Variants in GMDS observed in about 807,000 individuals in gnomAD.
GMDS encodes the protein GDP-mannose 4,6 dehydratase.
A neutral mutation model predicts 49.9 loss-of-function variants in GMDS; 20 were observed. The ratio of observed to expected loss-of-function variants is 0.40; its 90% CI spans 0.28 to 0.58. The LOEUF (loss-of-function observed/expected upper bound fraction) is 0.58, where lower values mean the gene tolerates loss of function less well. Ranked by LOEUF, GMDS falls within the 20% of genes least tolerant of loss-of-function variation. The probability of loss-of-function intolerance (pLI) is 0.42; values close to 1 mark genes in which losing one functional copy is unlikely to be tolerated. For synonymous variants in GMDS, 177 were observed against 178.6 expected (o/e 0.99, Z 0.07); for missense variants, 362 against 481.4 (o/e 0.75, Z 2.32).
intron 7 of GMDS, among the ~76,000 whole-genome samples, chr6:1,863,597 T>C (rs1412236700): frequency 6.6e-6 from 1 of 152,174 alleles, no homozygotes; most frequent in Non-Finnish European, 1.5e-5. Context: ...AGAGCAGTAA[T>C]TTAAAAATTC....
intron 9 of GMDS, among the ~76,000 whole-genome samples, chr6:1,711,805 G>A (rs936069172): frequency 6.6e-6 from 1 of 152,182 alleles, no homozygotes; most frequent in African/African-American, 2.4e-5. Flanking sequence ...TGTGCAGCAT[G>A]GATGAAAGTC....
intron 8 of GMDS, among the ~76,000 whole-genome samples, chr6:1,727,099 A>C (rs867848672): frequency 2.6e-5 from 4 of 152,270 alleles, no homozygotes; most frequent in African/African-American, 7.2e-5. Flanking sequence ...ACCTCCAAAA[A>C]GTACAGAACT....
At chr6:2,039,935 T>C (rs112807960) in intron 4 of GMDS, among the ~76,000 whole-genome samples, 149 of 152,360 alleles carry the variant, frequency 9.8e-4, no homozygotes, top group Admixed American at 1.8e-3. Flanking sequence ...TAGACTTCTA[T>C]ACCACTGGCA....
intron 4 of GMDS, among the ~76,000 whole-genome samples, chr6:1,980,245 T>A (rs892244735): frequency 1.3e-5 from 2 of 152,020 alleles, no homozygotes; most frequent in African/African-American, 2.4e-5. Context: ...AGACACAGAA[T>A]GGCAAGCTGG....
intron 4 of GMDS, among the ~76,000 whole-genome samples, chr6:2,019,776 G>A (rs896496211): frequency 3.3e-5 from 5 of 152,006 alleles, no homozygotes; most frequent in African/African-American, 1.2e-4. Context: ...CTAGTTTGGT[G>A]GCTATTATCA....
At chr6:2,234,548 G>A (rs528290272) in intron 1 of GMDS, among the ~76,000 whole-genome samples, 1 of 152,104 alleles carries the variant, frequency 6.6e-6, no homozygotes, top group Non-Finnish European at 1.5e-5. Context: ...GGCGGAGGTT[G>A]CAGTGAGCCA....
chr6:1,951,681 C>A (rs1378036400), intron 6 of GMDS, among the ~76,000 whole-genome samples: 1 of 18,034 alleles, frequency 5.5e-5, no homozygotes, highest in African/African-American at 3.5e-4. Context: ...ACAAGCATGA[C>A]CACCATGCCC....
At chr6:1,749,707 T>C (rs886353607) in intron 7 of GMDS, among the ~76,000 whole-genome samples, 4 of 152,282 alleles carry the variant, frequency 2.6e-5, no homozygotes, top group African/African-American at 9.6e-5. Flanking sequence ...TTCTCTCTAA[T>C]AGGTAATACT....
At chr6:1,683,989 A>G (rs1195548941) in intron 9 of GMDS, among the ~76,000 whole-genome samples, 1 of 65,490 alleles carries the variant, frequency 1.5e-5, no homozygotes, top group Non-Finnish European at 3.7e-5. Flanking sequence ...TCCGCCCTCT[A>G]TCAGCTATGA....
intron 4 of GMDS, among the ~76,000 whole-genome samples, chr6:2,030,226 T>C (rs949827644): frequency 1.3e-5 from 2 of 152,166 alleles, no homozygotes; most frequent in East Asian, 1.9e-4. Flanking sequence ...AAATTAAAAG[T>C]GGACAAAGAT....
At chr6:1,840,832 CAACA>C (rs1472836245) in intron 7 of GMDS, among the ~76,000 whole-genome samples, 1 of 152,186 alleles carries the variant, frequency 6.6e-6, no homozygotes, top group African/African-American at 2.4e-5. Context: ...AGGGTAATCT[CAACA>C]AACAGCGTTC....
In GMDS at chr6:2,085,497, CT is replaced by C. The variant is rs556367364; in HGVS notation, c.345+30273del. ...ATGCACTTCCTTCCAGTTTCTCTGA[CT>C]TTTTTGCACATCAGTCTCCTCGGAA... On this transcript the variant is annotated intron_variant, in intron 4 of 10. Transcript: ENST00000380815. Among the ~76,000 whole-genome samples the C allele has an allele frequency of 7.9e-5, 12 of 152,242 alleles. No individual in the cohort carries two copies. The East Asian group carries it at 2.1e-3, about 27-fold the overall frequency.
chr6:1,627,554 C>G lies in GMDS; in HGVS notation c.988-3014G>C, dbSNP rs145178160. 2.5e-3 allele frequency among the ~76,000 whole-genome samples: 385 copies of G among 152,310 alleles called. 3 individuals are homozygous for G. Among genetic ancestry groups the G allele is most frequent in the African/African-American group, 8.4e-3 (351 of 41,562 alleles). ...CCTCTTAAAGATTTTTGAACTTCCA[C>G]AAATCCCCTCCAATAGGGTATAATC... On this transcript the variant is annotated intron_variant, in intron 9 of 10. Coordinates refer to ENST00000380815, the MANE Select transcript of GMDS (RefSeq NM_001500.4).
intron 3 of GMDS, among the ~76,000 whole-genome samples, chr6:2,116,702 T>C (rs987318458): frequency 3.9e-5 from 6 of 152,162 alleles, no homozygotes; most frequent in Non-Finnish European, 8.8e-5. Flanking sequence ...CAAAACCACA[T>C]ATGGTTTACA....
intron 7 of GMDS, among the ~76,000 whole-genome samples, chr6:1,879,939 A>G (rs1759283562): frequency 6.6e-6 from 1 of 152,212 alleles, no homozygotes; most frequent in Non-Finnish European, 1.5e-5. Flanking sequence ...CTCGTCTTAC[A>G]TATGAGATGT....
chr6:1,639,209 ATG>A (rs1280822101), intron 9 of GMDS, among the ~76,000 whole-genome samples: 1 of 152,204 alleles, frequency 6.6e-6, no homozygotes. Flanking sequence ...CATGTTAAGG[ATG>A]CCACTGAGGC....
At chr6:2,234,060 C>G (rs1260976237) in intron 1 of GMDS, among the ~76,000 whole-genome samples, 1 of 152,192 alleles carries the variant, frequency 6.6e-6, no homozygotes, top group Non-Finnish European at 1.5e-5. Flanking sequence ...AAAATACAGT[C>G]TTGTCCTCAT....
Position 2,164,297 on chromosome 6 carries a change from C to T in GMDS, c.103-39566G>A, listed in dbSNP as rs539503548. On this transcript the variant is annotated intron_variant, in intron 1 of 10. Transcript: ENST00000380815. ...GTTTCTGTCTGTATAGGTTAGAAAA[C>T]TCAAGTAGTTATTTTGGAGTGTAGT... Among the ~76,000 whole-genome samples, 18 of 152,282 alleles carry T rather than the reference C, an allele frequency of 1.2e-4. 1 individual carries two copies. The highest frequency in any genetic ancestry group is 3.9e-4 in the Admixed American group (6 of 15,306).
At chr6:1,772,279 G>GA (rs1444128295) in intron 7 of GMDS, among the ~76,000 whole-genome samples, 2 of 152,072 alleles carry the variant, frequency 1.3e-5, no homozygotes, top group Admixed American at 1.3e-4. Flanking sequence ...CTAAAGAAAA[G>GA]AAAAAACATG....
Sources: allele counts gnomAD v4.1 joint callset (sites outside exome capture counted in the v4.1 genomes callset), GRCh38; gene constraint gnomAD v4.1.1; transcripts MANE v1.5; gene names NCBI Gene and HGNC (gene_info 2026-07-23, HGNC 2026-07-21).